The following MARK1 variants were observed in gnomAD, a reference collection of about 807,000 sequenced individuals.
MARK1 encodes the protein microtubule affinity regulating kinase 1.
In MARK1, 40 loss-of-function variants were observed where a neutral mutation model predicts 96.3. The ratio of observed to expected loss-of-function variants is 0.42; its 90% CI spans 0.32 to 0.54. The LOEUF (loss-of-function observed/expected upper bound fraction) is 0.54. Ranked by LOEUF, MARK1 falls within the 20% of genes least tolerant of loss-of-function variation. The probability of loss-of-function intolerance (pLI) is 0.16; values close to 1 mark genes in which losing one functional copy is unlikely to be tolerated. For synonymous variants in MARK1, 317 were observed against 341.2 expected, an observed-to-expected ratio of 0.93 and a Z score of 0.78; for missense variants, 719 against 984.6, an observed-to-expected ratio of 0.73 and a Z score of 3.61.
chr1:220,620,892 G>A (rs1466082052), intron 9 of MARK1, among the ~76,000 whole-genome samples: 2 of 151,998 alleles, frequency 1.3e-5, no homozygotes, highest in East Asian at 1.9e-4. Flanking sequence ...AGGGAAACTT[G>A]ACACCATTTT....
chr1:220,619,991 C>T (rs1666964118), intron 9 of MARK1, among the ~76,000 whole-genome samples: 1 of 152,178 alleles, frequency 6.6e-6, no homozygotes, highest in African/African-American at 2.4e-5. Flanking sequence ...GTGTACAGAG[C>T]TCTCAGGTTA....
At chr1:220,626,233 C>A in intron 9 of MARK1, 1 of 533,350 alleles carries the variant, frequency 1.9e-6, no homozygotes, top group Non-Finnish European at 3.7e-6. Flanking sequence ...GCTAACCTAT[C>A]ACCAGAGGGT....
At chr1:220,571,459 T>G (rs1480352402) in intron 1 of MARK1, among the ~76,000 whole-genome samples, 1 of 152,190 alleles carries the variant, frequency 6.6e-6, no homozygotes, top group Non-Finnish European at 1.5e-5. Context: ...TTTTTGTCAC[T>G]CATAAAAGTA....
At position 220,663,227 on chromosome 1, in the gene MARK1, A is replaced by C. The variant is rs1329452506; in HGVS notation, c.*1061A>C. The C allele has an allele frequency of 6.6e-6, 1 of 152,624 alleles. No individual in the cohort carries two copies. Among genetic ancestry groups the C allele is most frequent in the East Asian group, 1.9e-4 (1 of 5,194 alleles). 9.5% of individuals were successfully genotyped at this position (152,624 alleles called of 1,614,324 possible). On this transcript the variant is annotated 3_prime_UTR_variant, in exon 18 of 18. Transcript: ENST00000366917. ...TAAGTACTTAAGAGACTTGTGAGCAAAACATACTATTTATAACAGTATATG... is the reference window on the plus strand; with the variant it reads ...TAAGTACTTAAGAGACTTGTGAGCACAACATACTATTTATAACAGTATATG...
At chr1:220,650,426 T>A (rs895577652) in intron 13 of MARK1, among the ~76,000 whole-genome samples, 194 bp from the exon 14 acceptor site, 9 of 152,192 alleles carry the variant, frequency 5.9e-5, no homozygotes, top group African/African-American at 2.2e-4. Flanking sequence ...AAAACTGTAA[T>A]GAGTTCATTT....
At chr1:220,591,347 G>A (rs1166769318) in intron 3 of MARK1, among the ~76,000 whole-genome samples, 1 of 152,130 alleles carries the variant, frequency 6.6e-6, no homozygotes, top group African/African-American at 2.4e-5. Flanking sequence ...TGTCCCAGCC[G>A]ATTCTAAGAG....
intron 1 of MARK1, among the ~76,000 whole-genome samples, chr1:220,542,841 T>G (rs1279227434): frequency 6.6e-6 from 1 of 152,184 alleles, no homozygotes; most frequent in Non-Finnish European, 1.5e-5. Flanking sequence ...ACTGTAGAAA[T>G]TCTGGAATAA....
At chr1:220,539,001 A>T (rs1456695594) in intron 1 of MARK1, among the ~76,000 whole-genome samples, 8 of 152,108 alleles carry the variant, frequency 5.3e-5, no homozygotes, top group Non-Finnish European at 1.5e-5. Context: ...ATATACAATC[A>T]TGTCATCTGC....
chr1:220,618,735 A>G lies in MARK1; in HGVS notation c.889A>G (p.Ile297Val), dbSNP rs563682662. 3.8e-6 allele frequency: 6 copies of G among 1,599,678 alleles called. No homozygotes were observed. Among genetic ancestry groups the G allele is most frequent in the African/African-American group, 1.3e-5 (1 of 74,212 alleles). The part of the protein sequence containing the change: ...LLKKLLVLNP[I>V]KRGSLEQIMK... ...GAAGAAATTATTAGTCCTGAATCCA[A>G]TAAAGAGAGGCAGCTTGGAAGTAAG... The change falls in exon 9 of 18, where the codon ATA becomes GTA. Residue 297 changes from isoleucine to valine, a missense_variant. This residue lies in a region of MARK1 where 501 missense variants were observed against 588.3 expected (regional missense o/e 0.85). Coordinates refer to ENST00000366917, the MANE Select transcript of MARK1 (RefSeq NM_018650.5). This position sits in a 1 kb window ranked among gnomAD's most constrained non-coding sequence, Gnocchi z 4.6.
intron 6 of MARK1, among the ~76,000 whole-genome samples, chr1:220,606,201 G>T (rs1666066714): frequency 6.6e-6 from 1 of 151,928 alleles, no homozygotes; most frequent in Admixed American, 6.6e-5. Flanking sequence ...TTTAATGATT[G>T]CCATTTTAAC....
At chr1:220,538,487 A>T (rs1660886199) in intron 1 of MARK1, among the ~76,000 whole-genome samples, 1 of 152,112 alleles carries the variant, frequency 6.6e-6, no homozygotes, top group African/African-American at 2.4e-5. Flanking sequence ...GTAGCCTTGT[A>T]GTATAGTTTG....
In MARK1 at chr1:220,652,042, C is replaced by T. The variant is rs1245562510; in HGVS notation, c.1628C>T (p.Ala543Val). Residue 543 changes from alanine to valine, a missense_variant, in exon 15 of 18, where the codon GCT (alanine) becomes GTT (valine). Physicochemically the swap from Ala to Val is moderately conservative, Grantham distance 64. Coordinates refer to ENST00000366917, the MANE Select transcript of MARK1 (RefSeq NM_018650.5). ...ISSAGSSVAS[A>V]VPSARPRHQK... Reference sequence around the variant, plus strand: ...TCTGCAGGCTCTTCTGTGGCCTCTGCTGTCCCCTCAGCACGACCCCGCCAC... The same window carrying T: ...TCTGCAGGCTCTTCTGTGGCCTCTGTTGTCCCCTCAGCACGACCCCGCCAC... The T allele has an allele frequency of 3.1e-6, 5 of 1,613,308 alleles. No individual in the cohort carries two copies. Among genetic ancestry groups the T allele is most frequent in the Non-Finnish European group, 4.2e-6 (5 of 1,179,498 alleles).
At chr1:220,581,408 T>C (rs1664233507) in intron 3 of MARK1, among the ~76,000 whole-genome samples, 1 of 152,170 alleles carries the variant, frequency 6.6e-6, no homozygotes, top group Non-Finnish European at 1.5e-5. Context: ...AATATTCAAA[T>C]ATTTTGAAGT....
intron 6 of MARK1, among the ~76,000 whole-genome samples, chr1:220,611,728 T>C (rs144624987): frequency 6.6e-6 from 1 of 152,152 alleles, no homozygotes; most frequent in South Asian, 2.1e-4. Flanking sequence ...TTTATTTATT[T>C]TTTATTTTTA....
At chr1:220,541,737 G>C (rs1351137230) in intron 1 of MARK1, among the ~76,000 whole-genome samples, 1 of 152,144 alleles carries the variant, frequency 6.6e-6, no homozygotes. Flanking sequence ...CTCTCTTTTG[G>C]TTATTTCATC....
chr1:220,584,067 T>C (rs1664433202), intron 3 of MARK1, among the ~76,000 whole-genome samples: 1 of 152,148 alleles, frequency 6.6e-6, no homozygotes, highest in South Asian at 2.1e-4. Flanking sequence ...GATCATTTTC[T>C]CAGAGATATC....
Position 220,534,960 on chromosome 1 carries a change from C to A in MARK1, c.51+6087C>A, listed in dbSNP as rs1229823501. On this transcript the variant is annotated intron_variant, in intron 1 of 17. Transcript: ENST00000366917. ...TTTGGGTTGCTTCTACTTCTTGGCT[C>A]TTATAAATAATACCTCAGTAAATAT... Among the ~76,000 whole-genome samples the A allele has an allele frequency of 4.6e-5, 7 of 152,146 alleles. No homozygotes were observed. The South Asian group carries it at 1.5e-3, about 32-fold the overall frequency.
At chr1:220,600,170 TAGAAACTCTTGGCTATC>T (rs1302076808) in intron 5 of MARK1, among the ~76,000 whole-genome samples, 1 of 152,166 alleles carries the variant, frequency 6.6e-6, no homozygotes, top group African/African-American at 2.4e-5. Context: ...ATATCATGAT[TAGAAACTCTTGGCTATC>T]AGCAGGGAAT....
chr1:220,651,543 A>C (rs2103054231), intron 14 of MARK1, among the ~76,000 whole-genome samples: 1 of 152,298 alleles, frequency 6.6e-6, no homozygotes, highest in African/African-American at 2.4e-5. Context: ...ATGATCTAAA[A>C]GTGTTTTGAT....
Sources: gnomAD v4.1 joint callset for allele counts (sites outside exome capture counted in the v4.1 genomes callset) on GRCh38, gnomAD v4.1.1 for gene constraint, gnomAD v4.1.1 regional missense constraint, Gnocchi (gnomAD v3.1) non-coding constraint, MANE v1.5 for transcripts, NCBI Gene and HGNC (gene_info 2026-07-23, HGNC 2026-07-21) for gene names.